Variants in PCDHGA5 observed in about 807,000 individuals in gnomAD.
The protein encoded by PCDHGA5 is protocadherin gamma subfamily A, 5.
A neutral mutation model predicts 56.7 loss-of-function variants in PCDHGA5; 36 were observed. That is an observed-to-expected ratio of 0.64 (90% confidence interval 0.49 to 0.84). The LOEUF is 0.84. PCDHGA5 is among the 40% of genes least tolerant of loss of function. The pLI, the probability that PCDHGA5 is intolerant of heterozygous loss-of-function variation, is 0.00. For synonymous variants in PCDHGA5, 563 were observed against 520.2 expected, an observed-to-expected ratio of 1.08 and a Z score of -1.12; for missense variants, 1,305 against 1,201.5, an observed-to-expected ratio of 1.09 and a Z score of -1.27.
intron 1 of PCDHGA5, among the ~76,000 whole-genome samples, chr5:141,447,898 C>T (rs531933709): frequency 3.1e-3 from 465 of 152,088 alleles, no homozygotes; most frequent in Non-Finnish European, 5.5e-3. Context: ...CCAGCCTGGC[C>T]AACATGGTGA....
At chr5:141,379,452 A>G (rs1775607962) in intron 1 of PCDHGA5, 1 of 152,242 alleles carries the variant, frequency 6.6e-6, no homozygotes, top group Non-Finnish European at 1.5e-5. Flanking sequence ...TGATTATTTC[A>G]TAAACTCTGA....
At chr5:141,409,745 T>C (rs968473065) in intron 1 of PCDHGA5, 8 of 1,613,074 alleles carry the variant, frequency 5.0e-6, no homozygotes, top group Non-Finnish European at 6.8e-6. Context: ...CGGGGTGGTG[T>C]TCGCGCAGCG....
chr5:141,498,078 G>A (rs1165770641), intron 2 of PCDHGA5, among the ~76,000 whole-genome samples: 6 of 152,194 alleles, frequency 3.9e-5, no homozygotes, highest in African/African-American at 1.4e-4. Flanking sequence ...ATAAGTGCTA[G>A]GTAGAATTGT....
chr5:141,422,260 G>A, intron 1 of PCDHGA5: 1 of 1,564,392 alleles, frequency 6.4e-7, no homozygotes, highest in South Asian at 1.2e-5. Context: ...GAATGATAAC[G>A]CTCCAGAAAT....
chr5:141,380,196 G>A (rs1002706852), intron 1 of PCDHGA5, among the ~76,000 whole-genome samples: 3 of 152,110 alleles, frequency 2.0e-5, no homozygotes, highest in Non-Finnish European at 2.9e-5. Flanking sequence ...CACTGAGCCC[G>A]GCCTGAAAGG....
intron 1 of PCDHGA5, chr5:141,417,718 G>A: frequency 7.7e-7 from 1 of 1,304,720 alleles, no homozygotes; most frequent in Non-Finnish European, 1.0e-6. Flanking sequence ...GCTCCCGGCT[G>A]CGCAGACCTT....
chr5:141,418,819 A>T (rs1285247926), intron 1 of PCDHGA5: 1 of 1,613,868 alleles, frequency 6.2e-7, no homozygotes, highest in African/African-American at 1.3e-5. Context: ...TAAACATAGA[A>T]GCAAAAGACC....
intron 1 of PCDHGA5, among the ~76,000 whole-genome samples, chr5:141,380,184 G>A (rs1776280762): frequency 6.6e-6 from 1 of 152,160 alleles, no homozygotes; most frequent in South Asian, 2.1e-4. Flanking sequence ...ACAGGCATGA[G>A]CCACTGAGCC....
At chr5:141,385,474 T>G (rs554098554) in intron 1 of PCDHGA5, 33 of 1,436,526 alleles carry the variant, frequency 2.3e-5, no homozygotes, top group Non-Finnish European at 2.7e-5. Context: ...GGTGACACTT[T>G]AATATAGAAC....
At chr5:141,441,848 T>C (rs1034278597) in intron 1 of PCDHGA5, 2 of 356,906 alleles carry the variant, frequency 5.6e-6, no homozygotes, top group South Asian at 2.4e-5. Context: ...CTCTTGGATA[T>C]GGTGCTGCAC....
chr5:141,414,995 G>C (rs1431326081), intron 1 of PCDHGA5: 14 of 1,613,640 alleles, frequency 8.7e-6, no homozygotes, highest in Non-Finnish European at 1.2e-5. Context: ...CAGAACGCCT[G>C]GCTGTCCTAC....
chr5:141,503,304 A>G (rs946582779), intron 2 of PCDHGA5, among the ~76,000 whole-genome samples: 1 of 152,150 alleles, frequency 6.6e-6, no homozygotes, highest in African/African-American at 2.4e-5. Flanking sequence ...ATTGCTCAAG[A>G]AAGAATTGTT....
intron 1 of PCDHGA5, chr5:141,404,621 G>T: frequency 6.2e-7 from 1 of 1,614,174 alleles, no homozygotes; most frequent in South Asian, 1.1e-5. Context: ...GGACCAGAAT[G>T]ACAATGCCCC....
At chr5:141,472,172 T>A (rs548514406) in intron 1 of PCDHGA5, among the ~76,000 whole-genome samples, 11 of 152,326 alleles carry the variant, frequency 7.2e-5, no homozygotes, top group African/African-American at 2.6e-4. Context: ...AGGTGTAATA[T>A]CCAGTATTGG....
chr5:141,373,994 G>C lies in PCDHGA5; in HGVS notation c.2421+7243G>C, dbSNP rs1355942933. 8.0e-6 allele frequency: 10 copies of C among 1,243,924 alleles called. 1 individual carries two copies. Among genetic ancestry groups the C allele is most frequent in the African/African-American group, 3.0e-5 (2 of 65,694 alleles). The allele number at this position is 1,243,924 out of a possible 1,614,324, so 77.1% of individuals were successfully genotyped here. A position where few individuals can be genotyped will look rare whatever the true frequency, so the allele number is the denominator to read the frequency against. On this transcript the variant is annotated intron_variant, in intron 1 of 3. Transcript: ENST00000518069. ...CGCATCCGGTCTCTGCTTGTTGAAG[G>C]ACCTTCACCGCTATTTCTGAGAAGA...
intron 1 of PCDHGA5, chr5:141,433,145 G>C (rs2097571427): frequency 6.2e-7 from 1 of 1,613,922 alleles, no homozygotes; most frequent in Non-Finnish European, 8.5e-7. Flanking sequence ...GCTGTCAGGT[G>C]ATTCGGTATT....
chr5:141,372,511 C>T, intron 1 of PCDHGA5: 3 of 1,614,022 alleles, frequency 1.9e-6, no homozygotes, highest in Non-Finnish European at 2.5e-6. Context: ...TTCCTCCTCG[C>T]GGTGATTCTG....
intron 1 of PCDHGA5, chr5:141,400,191 A>C (rs781032596): frequency 5.0e-6 from 8 of 1,613,852 alleles, no homozygotes; most frequent in Non-Finnish European, 4.2e-6. Context: ...AGTTTTACCT[A>C]GTGGTGGCCT....
rs2096271749 is a variant in PCDHGA5, at chr5:141,418,581, T to G, written c.2421+51830T>G. On this transcript the variant is annotated intron_variant, in intron 1 of 3. Coordinates refer to ENST00000518069, the MANE Select transcript of PCDHGA5 (RefSeq NM_018918.3). The stretch of plus-strand genomic sequence containing the variant: ...ATAGATGCCAATGACAACCCCCCAG[T>G]GTTCAGCCAGGACGTGTACAGGGTT... The G allele has an allele frequency of 2.5e-6, 4 of 1,613,854 alleles. No homozygotes were observed. The South Asian group carries it at 4.4e-5, about 18-fold the overall frequency.
Sources: gnomAD v4.1 joint callset for allele counts (sites outside exome capture counted in the v4.1 genomes callset) on GRCh38, gnomAD v4.1.1 for gene constraint, MANE v1.5 for transcripts, NCBI Gene and HGNC (gene_info 2026-07-23, HGNC 2026-07-21) for gene names.